ELAVL2: variants seen among roughly 807,000 people sequenced by gnomAD.
ELAVL2 encodes the protein ELAV-like protein 2.
A neutral mutation model predicts 34.6 loss-of-function variants in ELAVL2; 4 were observed. That is an observed-to-expected ratio of 0.12 (90% CI 0.06 to 0.26). The LOEUF is 0.26. Among genes scored for constraint, ELAVL2 ranks in the 10% least tolerant of loss-of-function variants. The pLI, the probability that ELAVL2 is intolerant of heterozygous loss-of-function variation, is 1.00. For missense variants in ELAVL2, 432 were observed against 442.8 expected (o/e 0.98, Z 0.22); for synonymous variants, 193 against 154.8 (o/e 1.25, Z -1.83).
chr9:23,786,379 T>C (rs2059683222), intron 1 of ELAVL2, among the ~76,000 whole-genome samples: 1 of 152,122 alleles, frequency 6.6e-6, no homozygotes, highest in Non-Finnish European at 1.5e-5. Context: ...CATACTGAAA[T>C]TTACAGGACA....
chr9:23,757,106 G>T (rs1357624104), intron 2 of ELAVL2, among the ~76,000 whole-genome samples: 7 of 152,088 alleles, frequency 4.6e-5, no homozygotes, highest in African/African-American at 1.7e-4. Context: ...CACCGGGCTA[G>T]AATATCAAGT....
At chr9:23,797,566 AGAG>A (rs1479229498) in intron 1 of ELAVL2, among the ~76,000 whole-genome samples, 2 of 152,220 alleles carry the variant, frequency 1.3e-5, no homozygotes, top group African/African-American at 2.4e-5. Flanking sequence ...GTAGGGACTG[AGAG>A]GAGATTTTTT....
chr9:23,836,696 A>G, the ELAVL2 span, among the ~76,000 whole-genome samples: 2 of 151,836 alleles, frequency 1.3e-5, no homozygotes, highest in Non-Finnish European at 2.9e-5. Flanking sequence ...TGTGGTTTAG[A>G]GCAAATAAAA....
chr9:23,789,487 C>T (rs565399539), intron 1 of ELAVL2, among the ~76,000 whole-genome samples: 14 of 152,264 alleles, frequency 9.2e-5, no homozygotes, highest in South Asian at 2.1e-4. Flanking sequence ...TAATACAATT[C>T]GGTAAAACTT....
chr9:23,692,577 T>C lies in ELAVL2; in HGVS notation c.1060A>G (p.Asn354Asp), dbSNP rs762019303. 20 of 1,612,498 alleles carry C rather than the reference T, an allele frequency of 1.2e-5. No homozygotes were observed. Among genetic ancestry groups the C allele is most frequent in the Non-Finnish European group, 1.4e-5 (17 of 1,178,788 alleles). Residue 354 changes from asparagine (N) to aspartate (D), a missense_variant, in exon 7 of 7, where the codon AAC (asparagine) becomes GAC (aspartate). By Grantham distance (23) the Asn-to-Asp change is conservative. Around this residue, in one of 3 missense-constraint regions of ELAVL2, gnomAD observed 295 missense variants for 306.1 expected, o/e 0.96. Coordinates refer to ENST00000397312, the MANE Select transcript of ELAVL2 (RefSeq NM_004432.5). Reference protein sequence around the residue: ...DRVLQVSFKTNKTHKA With the variant: ...DRVLQVSFKTDKTHKA ...GCTCATTAGGCTTTGTGCGTTTTGT[T>C]TGTCTTAAAGGAGACCTGCAGTACT... is the stretch of plus-strand genomic sequence containing the variant.
At chr9:23,739,475 T>A (rs1014256990) in intron 2 of ELAVL2, among the ~76,000 whole-genome samples, 1 of 152,172 alleles carries the variant, frequency 6.6e-6, no homozygotes, top group African/African-American at 2.4e-5. Flanking sequence ...ATTAAAAGTT[T>A]GGGTATGCTG....
intron 1 of ELAVL2, among the ~76,000 whole-genome samples, chr9:23,789,366 A>G (rs1481622887): frequency 6.6e-6 from 1 of 152,232 alleles, no homozygotes; most frequent in Non-Finnish European, 1.5e-5. Context: ...GTGAATTTAT[A>G]TATTAAGTGA....
At chr9:23,712,238 G>A (rs189350052) in intron 3 of ELAVL2, among the ~76,000 whole-genome samples, 109 of 149,798 alleles carry the variant, frequency 7.3e-4, no homozygotes, top group African/African-American at 2.5e-3. Flanking sequence ...TAGGACTCGC[G>A]GTCTTAGCTC....
chr9:23,704,522 C>T (rs548880899), intron 4 of ELAVL2, among the ~76,000 whole-genome samples: 1 of 152,210 alleles, frequency 6.6e-6, no homozygotes, highest in South Asian at 2.1e-4. Context: ...GTAGTGTAAT[C>T]CTCCCTTGGA....
intron 2 of ELAVL2, among the ~76,000 whole-genome samples, chr9:23,747,161 C>CT (rs112771338): frequency 1.1e-3 from 168 of 149,896 alleles, no homozygotes; most frequent in Middle Eastern, 0.01. Flanking sequence ...ATATACACTA[C>CT]TTTTTTTTTT....
At chr9:23,708,170 C>G (rs556803230) in intron 3 of ELAVL2, among the ~76,000 whole-genome samples, 1 of 152,200 alleles carries the variant, frequency 6.6e-6, no homozygotes, top group African/African-American at 2.4e-5. Flanking sequence ...GTCAAAGAAC[C>G]ATTTTCCACT....
At chr9:23,708,345 C>T (rs778121497) in intron 3 of ELAVL2, among the ~76,000 whole-genome samples, 3 of 152,164 alleles carry the variant, frequency 2.0e-5, no homozygotes, top group Admixed American at 1.3e-4. Context: ...ATGAGGTAGG[C>T]AGCATACATA....
intron 1 of ELAVL2, chr9:23,783,371 C>A (rs1256980021): frequency 2.2e-6 from 2 of 897,700 alleles, no homozygotes; most frequent in African/African-American, 3.6e-5. Context: ...GGAGTAACTC[C>A]AAGGAAAACC....
intron 3 of ELAVL2, among the ~76,000 whole-genome samples, chr9:23,714,171 T>G (rs2041726979): frequency 6.6e-6 from 1 of 152,204 alleles, no homozygotes; most frequent in African/African-American, 2.4e-5. Flanking sequence ...TAACATATGT[T>G]AATTCAATTG....
At chr9:23,703,050 G>A (rs1275652185) in intron 4 of ELAVL2, among the ~76,000 whole-genome samples, 2 of 140,306 alleles carry the variant, frequency 1.4e-5, no homozygotes, top group Non-Finnish European at 3.0e-5. Context: ...AGAACAACCT[G>A]TGGCTCACCC....
intron 1 of ELAVL2, among the ~76,000 whole-genome samples, chr9:23,768,175 C>T (rs897070114): frequency 6.6e-5 from 10 of 152,192 alleles, no homozygotes; most frequent in African/African-American, 2.4e-4. Flanking sequence ...AACAGAAATC[C>T]TGTACAACTA....
chr9:23,823,445 A>T (rs2065076536), intron 1 of ELAVL2, among the ~76,000 whole-genome samples: 1 of 152,196 alleles, frequency 6.6e-6, no homozygotes. Flanking sequence ...CTACAACCGT[A>T]GCGTTTTTTG....
chr9:23,785,866 A>C (rs1172083674), intron 1 of ELAVL2, among the ~76,000 whole-genome samples: 1 of 152,220 alleles, frequency 6.6e-6, no homozygotes, highest in Admixed American at 6.5e-5. Flanking sequence ...AAAATAAAGT[A>C]TCTCAACTTT....
chr9:23,808,482 C>T (rs2062542928), intron 1 of ELAVL2, among the ~76,000 whole-genome samples: 1 of 151,970 alleles, frequency 6.6e-6, no homozygotes, highest in Non-Finnish European at 1.5e-5. Context: ...AAAATAATTG[C>T]TTTTAAAGTA....
Sources: gnomAD v4.1 joint callset for allele counts (sites outside exome capture counted in the v4.1 genomes callset) on GRCh38, gnomAD v4.1.1 for gene constraint, gnomAD v4.1.1 regional missense constraint, MANE v1.5 for transcripts, NCBI Gene and HGNC (gene_info 2026-07-23, HGNC 2026-07-21) for gene names.